TRPM3: variants seen among roughly 807,000 people sequenced by gnomAD.
TRPM3 encodes the protein transient receptor potential cation channel subfamily M member 3.
Under a neutral mutation model 181.2 loss-of-function variants are expected in TRPM3, and 77 were observed. The observed-to-expected ratio is 0.42, with a 90% CI of 0.35 to 0.51. TRPM3 has a LOEUF of 0.51. TRPM3 is among the 20% of genes least tolerant of loss of function. The probability of loss-of-function intolerance (pLI) is 0.01; values close to 1 mark genes in which losing one functional copy is unlikely to be tolerated. For synonymous variants in TRPM3, 745 were observed against 796.4 expected (o/e 0.94, Z 1.09); for missense variants, 1,759 against 2,196.7 (o/e 0.80, Z 3.98).
intron 1 of TRPM3, among the ~76,000 whole-genome samples, chr9:71,328,400 T>C (rs904034410): frequency 2.0e-5 from 3 of 152,154 alleles, no homozygotes; most frequent in Non-Finnish European, 4.4e-5. Context: ...TCTCCTGACC[T>C]CGTGATCTGC....
Position 70,537,295 on chromosome 9 carries a change from C to T in TRPM3, c.3818G>A (p.Gly1273Glu). 3.2e-6 allele frequency: 5 copies of T among 1,548,324 alleles called. No individual in the cohort carries two copies. The highest frequency in any genetic ancestry group is 4.4e-6 in the Non-Finnish European group (5 of 1,144,644). ...GCGCTCCAGGGCCGTGGCCATGCGC[C>T]CGATAAGGTCTTCCAGCTGCGCCAG... ...IRLAQLEDLI[G>E]RMATALERLT... Residue 1273 changes from glycine to glutamate, a missense_variant, in exon 26 of 26, where the codon GGG becomes GAG. By Grantham distance (98) the Gly-to-Glu change is moderately conservative. Coordinates refer to ENST00000677713, the MANE Select transcript of TRPM3 (RefSeq NM_001366145.2).
chr9:71,211,304 A>G (rs1237919451), intron 1 of TRPM3, among the ~76,000 whole-genome samples: 1 of 152,122 alleles, frequency 6.6e-6, no homozygotes, highest in African/African-American at 2.4e-5. Flanking sequence ...TCCAGAAGAT[A>G]AAACCCTTTG....
At chr9:70,592,058 T>C (rs2058205557) in intron 21 of TRPM3, among the ~76,000 whole-genome samples, 1 of 152,238 alleles carries the variant, frequency 6.6e-6, no homozygotes, top group Non-Finnish European at 1.5e-5. Context: ...ATGATGTATG[T>C]TATTTGGGAT....
At chr9:70,609,252 TTG>T (rs2061662814) in intron 19 of TRPM3, among the ~76,000 whole-genome samples, 1 of 152,210 alleles carries the variant, frequency 6.6e-6, no homozygotes, top group South Asian at 2.1e-4. Flanking sequence ...AAGTCCATGC[TTG>T]TCACCACTAA....
At chr9:71,076,144 TCA>T (rs2063429356) in intron 1 of TRPM3, among the ~76,000 whole-genome samples, 1 of 152,170 alleles carries the variant, frequency 6.6e-6, no homozygotes, top group African/African-American at 2.4e-5. Flanking sequence ...TGGAGTCTGC[TCA>T]CACAGGCTCA....
chr9:70,761,525 T>A (rs747308367), intron 8 of TRPM3, 76 bp downstream of exon 8: 1 of 1,604,654 alleles, frequency 6.2e-7, no homozygotes, highest in Admixed American at 1.7e-5. Context: ...GTTGCATGAT[T>A]TGAGAAAATG....
rs191947826 is a variant in TRPM3 at position 71,269,341 on chromosome 9, T to C, written c.183+177312A>G. Among the ~76,000 whole-genome samples, 178 of 152,102 alleles carry C rather than the reference T, an allele frequency of 1.2e-3. 1 individual carries two copies. The highest frequency in any genetic ancestry group is 6.8e-3 in the Middle Eastern group (2 of 294). On this transcript the variant is annotated intron_variant, in intron 1 of 24. Coordinates refer to the TRPM3 transcript ENST00000357533. ...TTTTATCTGCTAGATTCTGTTACCA[T>C]TGAAATGTTTTGAGGGACTCAGCAG...
intron 1 of TRPM3, among the ~76,000 whole-genome samples, chr9:71,120,935 G>C (rs1370954058): frequency 6.7e-6 from 1 of 148,420 alleles, no homozygotes; most frequent in Non-Finnish European, 1.5e-5. Context: ...CATTCTCTGA[G>C]ACCAAAATCT....
At chr9:71,220,598 A>C (rs897569548) in intron 1 of TRPM3, among the ~76,000 whole-genome samples, 1 of 152,184 alleles carries the variant, frequency 6.6e-6, no homozygotes, top group East Asian at 1.9e-4. Flanking sequence ...GACTATGTGT[A>C]AATCTTCGTC....
chr9:70,615,566 C>T (rs557789304), intron 18 of TRPM3, among the ~76,000 whole-genome samples: 13 of 152,292 alleles, frequency 8.5e-5, no homozygotes, highest in African/African-American at 2.6e-4. Context: ...TCATGGATTC[C>T]CTTTCCTTCT....
intron 1 of TRPM3, among the ~76,000 whole-genome samples, chr9:71,165,793 G>A (rs1404066642): frequency 2.0e-5 from 3 of 152,160 alleles, no homozygotes; most frequent in Non-Finnish European, 2.9e-5. Flanking sequence ...TGGTGAGAAA[G>A]CCTGGCTGGT....
At chr9:71,410,344 A>G (rs1013352322) in intron 1 of TRPM3, among the ~76,000 whole-genome samples, 3 of 152,216 alleles carry the variant, frequency 2.0e-5, no homozygotes, top group Non-Finnish European at 4.4e-5. Flanking sequence ...GAAAAGCTCA[A>G]CAAAATAGAC....
In TRPM3 at chr9:70,862,987, C is replaced by A. The variant is rs2095559051; in HGVS notation, c.383G>T (p.Ser128Ile). ...NDIQSEKWSI[S>I]KHTQLSPTDA... ...CGTAGGGCTGAGTTGAGTGTGTTTG[C>A]TGATGGACCACTTTTCAGACTGGAT... Residue 128 changes from serine to isoleucine, a missense_variant, in exon 3 of 26, where the codon AGC becomes ATC. Around this residue, in one of 8 missense-constraint regions of TRPM3, gnomAD observed 737 missense variants for 957.4 expected, o/e 0.77. Transcript: ENST00000677713. 1.2e-6 allele frequency: 2 copies of A among 1,613,698 alleles called. No homozygotes were observed. The highest frequency in any genetic ancestry group is 1.7e-6 in the Non-Finnish European group (2 of 1,179,734).
At chr9:70,797,227 A>G (rs2087344451) in intron 6 of TRPM3, among the ~76,000 whole-genome samples, 1 of 152,220 alleles carries the variant, frequency 6.6e-6, no homozygotes, top group African/African-American at 2.4e-5. Context: ...CTCCTCATCA[A>G]CTGACCTGAG....
At chr9:70,773,634 T>C (rs1463941883) in intron 7 of TRPM3, among the ~76,000 whole-genome samples, 1 of 152,182 alleles carries the variant, frequency 6.6e-6, no homozygotes, top group Non-Finnish European at 1.5e-5. Flanking sequence ...TCAAAAAAAT[T>C]TCTCAAGCAT....
At chr9:70,651,344 T>G (rs1187918775) in intron 9 of TRPM3, among the ~76,000 whole-genome samples, 1 of 152,188 alleles carries the variant, frequency 6.6e-6, no homozygotes, top group Non-Finnish European at 1.5e-5. Context: ...TTTTTATTAT[T>G]TATCATTTAA....
At chr9:70,932,551 C>T (rs1473833759) in intron 1 of TRPM3, among the ~76,000 whole-genome samples, 1 of 152,016 alleles carries the variant, frequency 6.6e-6, no homozygotes, top group Admixed American at 6.6e-5. Context: ...AGATAATAGG[C>T]CCAGAAAGCA....
intron 1 of TRPM3, among the ~76,000 whole-genome samples, chr9:71,296,226 T>A (rs1395107050): frequency 6.6e-6 from 1 of 152,102 alleles, no homozygotes; most frequent in Non-Finnish European, 1.5e-5. Flanking sequence ...AAATATACAT[T>A]GAAATGAAAA....
chr9:71,280,488 C>G (rs1269814071), intron 1 of TRPM3, among the ~76,000 whole-genome samples: 2 of 151,136 alleles, frequency 1.3e-5, no homozygotes, highest in Non-Finnish European at 2.9e-5. Flanking sequence ...TCAGAAAAAG[C>G]CAACAACAGC....
Sources: gnomAD v4.1 joint callset for allele counts (sites outside exome capture counted in the v4.1 genomes callset) on GRCh38, gnomAD v4.1.1 for gene constraint, gnomAD v4.1.1 regional missense constraint, MANE v1.5 for transcripts, NCBI Gene and HGNC (gene_info 2026-07-23, HGNC 2026-07-21) for gene names.